The following EFCAB11 variants were observed in gnomAD, a reference collection of about 807,000 sequenced individuals.
The protein encoded by EFCAB11 is EF-hand calcium binding domain 11, also known as EF-hand calcium-binding domain-containing protein 11.
Under a neutral mutation model 23.0 loss-of-function variants are expected in EFCAB11, and 14 were observed. The ratio of observed to expected loss-of-function variants is 0.61; its 90% CI spans 0.40 to 0.95. The LOEUF (loss-of-function observed/expected upper bound fraction) is 0.95. Among genes scored for constraint, EFCAB11 ranks in the 40% least tolerant of loss-of-function variants. EFCAB11 has a pLI of 0.00. For missense variants in EFCAB11, 198 were observed against 195.8 expected, an observed-to-expected ratio of 1.01 and a Z score of -0.07; for synonymous variants, 65 against 66.6, an observed-to-expected ratio of 0.98 and a Z score of 0.11.
chr14:89,901,349 A>C (rs897216491), intron 5 of EFCAB11, among the ~76,000 whole-genome samples: 2 of 152,228 alleles, frequency 1.3e-5, no homozygotes, highest in Non-Finnish European at 2.9e-5. Context: ...TAACCTAAGG[A>C]TAAAAAAGAT....
chr14:89,871,524 C>T (rs72695706), intron 5 of EFCAB11, among the ~76,000 whole-genome samples: 2,232 of 152,284 alleles, frequency 0.015, 40 homozygotes, highest in Non-Finnish European at 0.02. Flanking sequence ...TGTGAATCCA[C>T]TGCAAGTCCC....
In EFCAB11 at chr14:89,841,517, A is replaced by T. The variant is rs373057519; in HGVS notation, c.411-44193T>A. On this transcript the variant is annotated intron_variant, in intron 5 of 5. Coordinates refer to ENST00000316738, the MANE Select transcript of EFCAB11 (RefSeq NM_145231.4). ...TACTGGAGCGTGCCATTCTACTGAT[A>T]TTGTTCTGGAAGCAGTCAATGACTC... is the stretch of plus-strand genomic sequence containing the variant. Among the ~76,000 whole-genome samples, 60 of 151,084 alleles carry T rather than the reference A, an allele frequency of 4.0e-4. No individual in the cohort carries two copies. In the South Asian group the frequency reaches 0.011, roughly 28 times the overall value.
chr14:89,822,635 C>T (rs1301641725), intron 5 of EFCAB11, among the ~76,000 whole-genome samples: 1 of 152,106 alleles, frequency 6.6e-6, no homozygotes, highest in South Asian at 2.1e-4. Context: ...ATTGTATGGA[C>T]ACACAGAGTG....
chr14:89,823,830 T>C (rs1471549153), intron 5 of EFCAB11, among the ~76,000 whole-genome samples: 6 of 152,146 alleles, frequency 3.9e-5, no homozygotes, highest in Non-Finnish European at 8.8e-5. Context: ...TCACATTAAA[T>C]ATTGCAGAAG....
At chr14:89,886,944 C>T (rs1220691587) in intron 5 of EFCAB11, among the ~76,000 whole-genome samples, 1 of 152,134 alleles carries the variant, frequency 6.6e-6, no homozygotes, top group East Asian at 1.9e-4. Context: ...GTCTGGATAC[C>T]TTCTTCACAT....
intron 5 of EFCAB11, 143 bp downstream of exon 5, chr14:89,931,398 C>A: frequency 1.3e-6 from 1 of 758,804 alleles, no homozygotes. Context: ...AGATTTCCCT[C>A]CTGGACCATG....
intron 5 of EFCAB11, among the ~76,000 whole-genome samples, chr14:89,821,254 C>A (rs948881376): frequency 1.3e-5 from 2 of 152,124 alleles, no homozygotes; most frequent in Non-Finnish European, 2.9e-5. Context: ...GTCTTAAGGG[C>A]AAAGACTGAG....
At chr14:89,897,208 T>C (rs893333615) in intron 5 of EFCAB11, among the ~76,000 whole-genome samples, 1 of 107,244 alleles carries the variant, frequency 9.3e-6, no homozygotes, top group Non-Finnish European at 1.6e-5. Context: ...TATATGTGCA[T>C]TTTTTTTTTT....
chr14:89,815,237 A>C (rs941040531), intron 5 of EFCAB11, among the ~76,000 whole-genome samples: 2 of 152,198 alleles, frequency 1.3e-5, no homozygotes, highest in African/African-American at 4.8e-5. Context: ...TGGGAAAAGA[A>C]GGCACAAAAA....
intron 5 of EFCAB11, among the ~76,000 whole-genome samples, chr14:89,908,314 C>T (rs979673489): frequency 6.6e-6 from 1 of 152,192 alleles, no homozygotes; most frequent in Non-Finnish European, 1.5e-5. Context: ...TGTAAGTTCT[C>T]TTAATACCTG....
Position 89,797,252 on chromosome 14 carries a change from C to T in EFCAB11, c.483G>A (p.Lys161=), listed in dbSNP as rs1885605353. The T allele has an allele frequency of 1.2e-6, 2 of 1,613,114 alleles. No individual in the cohort carries two copies. The highest frequency in any genetic ancestry group is 1.1e-5 in the South Asian group (1 of 91,044). ...AAGTAGTTCACAATAGTTAGGCTTC[C>T]TTCTGTCCATAGTTCAGGGCATATT... The part of the protein sequence containing the change: ...DFEYALNYGQ[K]EA Residue 161 remains lysine (K), a synonymous_variant, in exon 6 of 6, where the codon AAG becomes AAA. Coordinates refer to ENST00000316738, the MANE Select transcript of EFCAB11 (RefSeq NM_145231.4).
chr14:89,903,482 T>G (rs979908770), intron 5 of EFCAB11, among the ~76,000 whole-genome samples: 39 of 151,960 alleles, frequency 2.6e-4, no homozygotes, highest in Non-Finnish European at 4.4e-5. Context: ...GATACAGCTT[T>G]AGCACAAAAG....
chr14:89,856,157 T>C (rs1473647259), intron 5 of EFCAB11, among the ~76,000 whole-genome samples: 1 of 151,786 alleles, frequency 6.6e-6, no homozygotes, highest in Non-Finnish European at 1.5e-5. Context: ...TCCTGAGTCA[T>C]ATGGTAGTTC....
At chr14:89,864,669 C>T (rs1888030795) in intron 5 of EFCAB11, among the ~76,000 whole-genome samples, 1 of 152,100 alleles carries the variant, frequency 6.6e-6, no homozygotes, top group South Asian at 2.1e-4. Context: ...GAACTCCTGG[C>T]CTCAAGTGAT....
chr14:89,934,905 G>GA (rs978191152), intron 3 of EFCAB11, among the ~76,000 whole-genome samples: 2 of 152,146 alleles, frequency 1.3e-5, no homozygotes, highest in African/African-American at 4.8e-5. Context: ...AGACCCTTCA[G>GA]AAACGTACCC....
chr14:89,925,290 G>C (rs1374677050), intron 5 of EFCAB11, among the ~76,000 whole-genome samples: 2 of 152,216 alleles, frequency 1.3e-5, no homozygotes, highest in Non-Finnish European at 2.9e-5. Context: ...TTGGAAAAGA[G>C]ACCAGATGTT....
At chr14:89,816,782 C>T (rs537277690) in intron 5 of EFCAB11, among the ~76,000 whole-genome samples, 4 of 152,120 alleles carry the variant, frequency 2.6e-5, no homozygotes, top group Admixed American at 6.5e-5. Context: ...GCTACAGCTG[C>T]GATTATGTAA....
At position 89,889,341 on chromosome 14, in the gene EFCAB11, T is replaced by A. The variant is rs116655460; in HGVS notation, c.410+42200A>T. ...AGCCTTACTATGAATCCTGTTTTAC[T>A]ACTTATTAGCTGTGAAATATGAGAC... On this transcript the variant is annotated intron_variant, in intron 5 of 5. Transcript: ENST00000316738. Among the ~76,000 whole-genome samples the A allele has an allele frequency of 5.2e-3, 786 of 152,340 alleles. 8 individuals carry two copies. Among genetic ancestry groups the A allele is most frequent in the African/African-American group, 0.018 (757 of 41,582 alleles).
In EFCAB11 at chr14:89,826,482, G is replaced by A. The variant is rs557243065; in HGVS notation, c.411-29158C>T. Reference sequence around the variant, plus strand: ...AGATTTTTTTTTTTTTAATGCAGTAGGATGTCATTGGAGGTTTTAGGCAGA... The same window carrying A: ...AGATTTTTTTTTTTTTAATGCAGTAAGATGTCATTGGAGGTTTTAGGCAGA... On this transcript the variant is annotated intron_variant, in intron 5 of 5. Coordinates refer to ENST00000316738, the MANE Select transcript of EFCAB11 (RefSeq NM_145231.4). 4.6e-5 allele frequency among the ~76,000 whole-genome samples: 7 copies of A among 152,020 alleles called. No homozygotes were observed. The South Asian group carries it at 1.5e-3, about 32-fold the overall frequency.
Sources: gnomAD v4.1 joint callset for allele counts (sites outside exome capture counted in the v4.1 genomes callset) on GRCh38, gnomAD v4.1.1 for gene constraint, MANE v1.5 for transcripts, NCBI Gene and HGNC (gene_info 2026-07-23, HGNC 2026-07-21) for gene names.